The following LGSN variants were observed in gnomAD, a reference collection of about 807,000 sequenced individuals.
The protein encoded by LGSN is lengsin.
A neutral mutation model predicts 19.5 loss-of-function variants in LGSN; 21 were observed. The ratio of observed to expected loss-of-function variants is 1.07; its 90% CI spans 0.76 to 1.55. LGSN has a LOEUF of 1.55. Ranked by LOEUF, LGSN falls within the 40% of genes most tolerant of loss-of-function variation. The pLI is 0.00. For synonymous variants in LGSN, 257 were observed against 215.6 expected (o/e 1.19, Z -1.68); for missense variants, 673 against 608.5 (o/e 1.11, Z -1.12).
the LGSN span, among the ~76,000 whole-genome samples, chr6:63,387,622 A>C: frequency 6.6e-6 from 1 of 152,188 alleles, no homozygotes; most frequent in African/African-American, 2.4e-5. Context: ...TAGTACAAAA[A>C]GTTAGAGCCT....
At chr6:63,420,330 T>G in the LGSN span, among the ~76,000 whole-genome samples, 1 of 152,242 alleles carries the variant, frequency 6.6e-6, no homozygotes, top group South Asian at 2.1e-4. Flanking sequence ...ACCATCTCTG[T>G]GCTGATCCAG....
the LGSN span, among the ~76,000 whole-genome samples, chr6:63,525,017 G>C: frequency 6.6e-6 from 1 of 152,174 alleles, no homozygotes; most frequent in Non-Finnish European, 1.5e-5. Flanking sequence ...ACCAAGCCTT[G>C]TTCTAACTTG....
chr6:63,431,085 T>C, the LGSN span, among the ~76,000 whole-genome samples: 1 of 152,198 alleles, frequency 6.6e-6, no homozygotes, highest in Non-Finnish European at 1.5e-5. Context: ...TTGATATACA[T>C]TATCCCATTT....
chr6:63,397,830 C>T, the LGSN span, among the ~76,000 whole-genome samples: 1 of 152,002 alleles, frequency 6.6e-6, no homozygotes, highest in African/African-American at 2.4e-5. Context: ...ATCCCAGCTA[C>T]TCGGGAAGCT....
chr6:63,541,407 G>T, the LGSN span, among the ~76,000 whole-genome samples: 6 of 152,046 alleles, frequency 3.9e-5, no homozygotes, highest in African/African-American at 1.4e-4. Flanking sequence ...CAAAAAAATA[G>T]CCAGGCATAG....
chr6:63,520,013 C>A, the LGSN span, among the ~76,000 whole-genome samples: 1 of 152,180 alleles, frequency 6.6e-6, no homozygotes, highest in African/African-American at 2.4e-5. Context: ...TATCATCTAC[C>A]TATAATTTTT....
chr6:63,542,069 A>G, the LGSN span, among the ~76,000 whole-genome samples: 1 of 148,606 alleles, frequency 6.7e-6, no homozygotes, highest in Non-Finnish European at 1.5e-5. Flanking sequence ...GTGTATACAT[A>G]CACAATGGAA....
At chr6:63,450,722 G>C in the LGSN span, among the ~76,000 whole-genome samples, 9 of 151,766 alleles carry the variant, frequency 5.9e-5, no homozygotes, top group South Asian at 1.3e-3. Flanking sequence ...GCCCAGACTG[G>C]AGTGTAGCAG....
At chr6:63,507,051 C>G in the LGSN span, among the ~76,000 whole-genome samples, 2 of 152,122 alleles carry the variant, frequency 1.3e-5, no homozygotes, top group Non-Finnish European at 2.9e-5. Flanking sequence ...CCCACCTTCC[C>G]CAGGGTCCCC....
upstream of LGSN, among the ~76,000 whole-genome samples, chr6:63,324,138 T>A (rs756376168): frequency 6.6e-6 from 1 of 152,184 alleles, no homozygotes; most frequent in South Asian, 2.1e-4. Context: ...ACACTAATGC[T>A]AGATGAGAAT....
chr6:63,555,849 A>G, the LGSN span, among the ~76,000 whole-genome samples: 1 of 152,014 alleles, frequency 6.6e-6, no homozygotes, highest in South Asian at 2.1e-4. Context: ...GTGTACCAGA[A>G]TACCCAGCTA....
the LGSN span, among the ~76,000 whole-genome samples, chr6:63,431,265 A>G: frequency 6.6e-6 from 1 of 152,186 alleles, no homozygotes; most frequent in Non-Finnish European, 1.5e-5. Flanking sequence ...CTGACTCCAC[A>G]TTCAGGCCGT....
At chr6:63,365,747 G>C in the LGSN span, among the ~76,000 whole-genome samples, 1 of 152,098 alleles carries the variant, frequency 6.6e-6, no homozygotes. Context: ...CCACAATTAA[G>C]TTGGCTTCAT....
the LGSN span, among the ~76,000 whole-genome samples, chr6:63,538,371 C>T: frequency 1.3e-5 from 2 of 152,256 alleles, no homozygotes; most frequent in Non-Finnish European, 2.9e-5. Flanking sequence ...AAAGAATAAA[C>T]TTGCAAAAAC....
the LGSN span, among the ~76,000 whole-genome samples, chr6:63,492,577 G>GC: frequency 0.021 from 3,265 of 152,274 alleles, 134 homozygotes; most frequent in African/African-American, 0.075. Flanking sequence ...TGTTTCCTAA[G>GC]ACCTTACATC....
At chr6:63,285,170 AT>A (rs1035883171) in intron 3 of LGSN, among the ~76,000 whole-genome samples, 3 of 152,170 alleles carry the variant, frequency 2.0e-5, no homozygotes, top group Non-Finnish European at 2.9e-5. Context: ...AAAGGAATAC[AT>A]TTTTTATCTA....
chr6:63,442,782 G>A, the LGSN span, among the ~76,000 whole-genome samples: 6 of 152,046 alleles, frequency 3.9e-5, no homozygotes, highest in Non-Finnish European at 8.8e-5. Flanking sequence ...GTGCTGATTG[G>A]TGCATCCACA....
chr6:63,439,417 G>A, the LGSN span, among the ~76,000 whole-genome samples: 16 of 151,936 alleles, frequency 1.1e-4, no homozygotes, highest in Non-Finnish European at 2.1e-4. Context: ...GCGTGGTGGC[G>A]TGAGCCCATA....
chr6:63,311,238 G>A (rs999499412), intron 1 of LGSN, among the ~76,000 whole-genome samples: 2 of 152,134 alleles, frequency 1.3e-5, no homozygotes, highest in African/African-American at 4.8e-5. Flanking sequence ...ATCTCCAATT[G>A]ATCTGGGTAC....
Sources: gnomAD v4.1 joint callset for allele counts (sites outside exome capture counted in the v4.1 genomes callset) on GRCh38, gnomAD v4.1.1 for gene constraint, MANE v1.5 for transcripts, NCBI Gene and HGNC (gene_info 2026-07-23, HGNC 2026-07-21) for gene names.